Variants in ABCA1 observed in about 807,000 individuals in gnomAD.
ABCA1 encodes ATP binding cassette subfamily A member 1, also known as phospholipid-transporting ATPase ABCA1.
Under a neutral mutation model 262.5 loss-of-function variants are expected in ABCA1, and 133 were observed. The observed-to-expected ratio is 0.51, with a 90% CI of 0.44 to 0.59. ABCA1 has a LOEUF of 0.59. ABCA1 is among the 20% of genes least tolerant of loss of function. The pLI, the probability that ABCA1 is intolerant of heterozygous loss-of-function variation, is 0.00. For synonymous variants in ABCA1, 1,022 were observed against 1,043.5 expected (o/e 0.98, Z 0.40); for missense variants, 2,452 against 2,777.5 (o/e 0.88, Z 2.63).
rs1212597294 is a variant in ABCA1 at position 104,884,455 on chromosome 9, C to T, written c.274G>A (p.Gly92Arg). Residue 92 changes from glycine (G) to arginine (R), a missense_variant, in exon 4 of 50, where the codon GGA (glycine) becomes AGA (arginine). Around this residue, in one of 4 missense-constraint regions of ABCA1, gnomAD observed 1,032 missense variants for 1,089.7 expected, o/e 0.95. Coordinates refer to ENST00000374736, the MANE Select transcript of ABCA1 (RefSeq NM_005502.4). ...FRYPTPGEAPGVVGNFNKSIV... is the reference protein window; with the variant it reads ...FRYPTPGEAPRVVGNFNKSIV... ...GATTTGTTAAAGTTTCCAACAACTC[C>T]GGGAGCCTCCCCAGGAGTCGGGTAA... 7.4e-6 allele frequency: 12 copies of T among 1,614,056 alleles called. No homozygotes were observed. Among genetic ancestry groups the T allele is most frequent in the Admixed American group, 5.0e-5 (3 of 60,004 alleles).
At chr9:104,800,121 C>G in intron 35 of ABCA1, 133 bp from the exon 36 acceptor site, 1 of 991,590 alleles carries the variant, frequency 1.0e-6, no homozygotes, top group South Asian at 1.3e-5. Context: ...ACACTATGAT[C>G]AGAGAATATG....
At chr9:104,837,397 G>C in intron 10 of ABCA1, 31 bp downstream of exon 10, 1 of 1,613,788 alleles carries the variant, frequency 6.2e-7, no homozygotes, top group Non-Finnish European at 8.5e-7. Flanking sequence ...GGAGATTCTG[G>C]GGAGGGAGTC....
At chr9:104,908,782 A>T (rs2118465765) in intron 1 of ABCA1, among the ~76,000 whole-genome samples, 1 of 152,334 alleles carries the variant, frequency 6.6e-6, no homozygotes, top group Non-Finnish European at 1.5e-5. Flanking sequence ...TAAGCCAGAC[A>T]CAAAAAACTA....
chr9:104,917,546 G>A (rs1841917961), intron 1 of ABCA1, among the ~76,000 whole-genome samples: 1 of 150,276 alleles, frequency 6.7e-6, no homozygotes, highest in South Asian at 2.1e-4. Context: ...CCTGAGGTCA[G>A]GAGTTGGAGA....
intron 25 of ABCA1, among the ~76,000 whole-genome samples, chr9:104,815,812 G>T (rs538761466): frequency 6.6e-5 from 10 of 152,126 alleles, no homozygotes; most frequent in African/African-American, 2.4e-4. Flanking sequence ...TCCTGATGCC[G>T]CTGTTCCTCA....
chr9:104,892,508 G>A (rs141169078), intron 2 of ABCA1, among the ~76,000 whole-genome samples: 425 of 152,150 alleles, frequency 2.8e-3, no homozygotes, highest in Non-Finnish European at 4.8e-3. Context: ...GCTGAGCCAG[G>A]ACTCCCTCAT....
At chr9:104,860,041 G>A (rs1424863562) in intron 6 of ABCA1, among the ~76,000 whole-genome samples, 1 of 140,258 alleles carries the variant, frequency 7.1e-6, no homozygotes, top group African/African-American at 2.8e-5. Context: ...GTGACAGAGC[G>A]AGACTCCAAC....
intron 31 of ABCA1, among the ~76,000 whole-genome samples, chr9:104,805,228 C>T (rs1407691112): frequency 6.6e-6 from 1 of 152,154 alleles, no homozygotes; most frequent in Admixed American, 6.5e-5. Flanking sequence ...GCATGTGCCA[C>T]CATGCCTGGC....
At chr9:104,855,443 C>T in intron 7 of ABCA1, 1 of 314,322 alleles carries the variant, frequency 3.2e-6, no homozygotes, top group Non-Finnish European at 5.5e-6. Flanking sequence ...TCAAGTGATT[C>T]ATCCGCCTCG....
intron 8 of ABCA1, among the ~76,000 whole-genome samples, chr9:104,840,967 G>A (rs974138122): frequency 1.3e-5 from 2 of 152,146 alleles, no homozygotes; most frequent in Non-Finnish European, 2.9e-5. Flanking sequence ...CATTGTGGTT[G>A]AGCCTATCAG....
intron 1 of ABCA1, among the ~76,000 whole-genome samples, chr9:104,922,906 G>A (rs989914560): frequency 9.2e-5 from 14 of 151,950 alleles, no homozygotes; most frequent in African/African-American, 3.1e-4. Context: ...TAGTAGAGAC[G>A]GGGTTTCACC....
intron 1 of ABCA1, among the ~76,000 whole-genome samples, chr9:104,912,027 T>C (rs540788243): frequency 2.6e-5 from 4 of 152,376 alleles, no homozygotes; most frequent in East Asian, 3.9e-4. Flanking sequence ...ACTTACTTGA[T>C]TGTTAGTTAC....
At position 104,837,746 on chromosome 9, in the gene ABCA1, T is replaced by C. The variant is rs984850738; in HGVS notation, c.1055-179A>G. ...CTCTGTAAAAGTAAAATTCATAACA[T>C]CTATGTGGAGAGATGTGGAGAAGAT... is the stretch of plus-strand genomic sequence containing the variant. On this transcript the variant is annotated intron_variant, in intron 9 of 49. Coordinates refer to ENST00000374736, the MANE Select transcript of ABCA1 (RefSeq NM_005502.4). 2.6e-5 allele frequency among the ~76,000 whole-genome samples: 4 copies of C among 152,146 alleles called. No homozygotes were observed. In the East Asian group the frequency reaches 7.7e-4, roughly 29 times the overall value.
At position 104,828,980 on chromosome 9, in the gene ABCA1, C is replaced by T. The variant is rs1197495439; in HGVS notation, c.2051G>A (p.Ser684Asn). 4 of 1,614,186 alleles carry T rather than the reference C, an allele frequency of 2.5e-6. No individual in the cohort carries two copies. The highest frequency in any genetic ancestry group is 3.3e-5 in the Admixed American group (2 of 60,014). ...AGGAATGAGGCTACTAATGAACCAG[C>T]TAAACCAGAGGATGCTGTTGTCCAG... ...MGLDNSILWF[S>N]WFISSLIPLL... The change falls in exon 15 of 50, where the codon AGC (serine) becomes AAC (asparagine). Residue 684 changes from serine to asparagine, a missense_variant. By Grantham distance (46) the Ser-to-Asn change is conservative. Transcript: ENST00000374736.
In ABCA1 at chr9:104,829,044, T is replaced by C. The variant is rs936654977; in HGVS notation, c.1987A>G (p.Lys663Glu). The C allele has an allele frequency of 3.1e-6, 5 of 1,614,170 alleles. No individual in the cohort carries two copies. Among genetic ancestry groups the C allele is most frequent in the Admixed American group, 1.7e-5 (1 of 60,014 alleles). Reference protein sequence around the residue: ...AVIIKGIVYEKEARLKETMRI... With the variant: ...AVIIKGIVYEEEARLKETMRI... The stretch of plus-strand genomic sequence containing the variant: ...ATGGTCTCTTTCAGCCGTGCCTCCT[T>C]CTCATACACGATGCCCTTGATGATC... The change falls in exon 15 of 50, where the codon AAG (lysine) becomes GAG (glutamate). Residue 663 changes from lysine to glutamate, a missense_variant. By Grantham distance (56) the Lys-to-Glu change is moderately conservative. Coordinates refer to ENST00000374736, the MANE Select transcript of ABCA1 (RefSeq NM_005502.4).
At chr9:104,816,561 C>T (rs769524097) in intron 24 of ABCA1, among the ~76,000 whole-genome samples, 51 of 145,036 alleles carry the variant, frequency 3.5e-4, no homozygotes, top group Non-Finnish European at 4.5e-4. Flanking sequence ...AAGCCAGGCA[C>T]ATTATAGGTA....
At chr9:104,891,966 TAAAAAA>T (rs570923490) in intron 2 of ABCA1, among the ~76,000 whole-genome samples, 3 of 59,214 alleles carry the variant, frequency 5.1e-5, no homozygotes, top group East Asian at 5.9e-4. Context: ...CTCTGTCTCT[TAAAAAA>T]AAAAAAAAAA....
chr9:104,866,624 G>A (rs1837117791), intron 5 of ABCA1, among the ~76,000 whole-genome samples: 1 of 152,074 alleles, frequency 6.6e-6, no homozygotes, highest in Admixed American at 6.5e-5. Context: ...TGGGATTACA[G>A]GCACCCGCCA....
At chr9:104,792,372 A>C (rs1415149850) in intron 42 of ABCA1, among the ~76,000 whole-genome samples, 2 of 152,226 alleles carry the variant, frequency 1.3e-5, no homozygotes, top group Non-Finnish European at 2.9e-5. Context: ...GATTCCAAAA[A>C]AGTAAAATTT....
Sources: allele counts gnomAD v4.1 joint callset (sites outside exome capture counted in the v4.1 genomes callset), GRCh38; gene constraint gnomAD v4.1.1; regional missense constraint gnomAD v4.1.1; transcripts MANE v1.5; gene names NCBI Gene and HGNC (gene_info 2026-07-23, HGNC 2026-07-21).